Variants in ANK3 observed in about 807,000 individuals in gnomAD.
ANK3 encodes ankyrin 3.
ANK3 carries 57 observed loss-of-function variants against 370.9 expected under a neutral mutation model. That is an observed-to-expected ratio of 0.15 (90% CI 0.12 to 0.19). ANK3 has a LOEUF of 0.19. Ranked by LOEUF, ANK3 falls within the 10% of genes least tolerant of loss-of-function variation. The pLI, the probability that ANK3 is intolerant of heterozygous loss-of-function variation, is 1.00. For missense variants in ANK3, 4,439 were observed against 5,302.1 expected (o/e 0.84, Z 5.06); for synonymous variants, 1,929 against 1,946.3 (o/e 0.99, Z 0.23).
In ANK3 at chr10:60,469,633, ATATATATATATATATATATATGGTGG is replaced by A. The variant is rs1453013427; in HGVS notation, c.96+145527_96+145552del. 4.9e-4 allele frequency among the ~76,000 whole-genome samples: 14 copies of A among 28,464 alleles called. 4 individuals are homozygous for A. Among genetic ancestry groups the A allele is most frequent in the African/African-American group, 2.0e-3 (14 of 6,974 alleles). 18.7% of individuals were successfully genotyped at this position (28,464 alleles called of 152,430 possible). On this transcript the variant is annotated intron_variant, in intron 2 of 43. Transcript: ENST00000373827. ...TATATATATATATGGTGGTATATAT[ATATATATATATATATATATATGGTGG>A]TATATATATATATATATATATGGTG...
chr10:60,088,425 T>C, intron 28 of ANK3, 67 bp from the exon 29 acceptor site: 1 of 1,374,772 alleles, frequency 7.3e-7, no homozygotes, highest in Non-Finnish European at 1.0e-6. Context: ...TAAGTCAAAA[T>C]GATATATCTT....
At chr10:60,247,116 C>T (rs950793560) in intron 7 of ANK3, among the ~76,000 whole-genome samples, 4 of 152,056 alleles carry the variant, frequency 2.6e-5, no homozygotes, top group African/African-American at 7.2e-5. Context: ...CCCAGGTTCA[C>T]GCCATTCTCC....
At chr10:60,674,155 T>A (rs867677300) in intron 1 of ANK3, among the ~76,000 whole-genome samples, 2 of 152,218 alleles carry the variant, frequency 1.3e-5, no homozygotes, top group East Asian at 1.9e-4. Context: ...TTCATTCCAA[T>A]AATTTTTTTT....
Position 60,279,659 on chromosome 10 carries a change from C to G in ANK3, c.115-20G>C. On this transcript the variant is annotated intron_variant, in intron 1 of 43. Transcript: ENST00000280772. ...ATCAGACTAAAATAAAAAAGAAACA[C>G]ATTTTGATGAAAAATGAAGCTAATA... The G allele has an allele frequency of 6.3e-7, 1 of 1,590,322 alleles. No homozygotes were observed. The highest frequency in any genetic ancestry group is 8.6e-7 in the Non-Finnish European group (1 of 1,165,012).
At chr10:60,465,793 T>C (rs958568811) in intron 2 of ANK3, among the ~76,000 whole-genome samples, 26 of 150,510 alleles carry the variant, frequency 1.7e-4, no homozygotes, top group African/African-American at 5.1e-4. Context: ...TTCTTTCTTT[T>C]TTTTTTTTTT....
intron 2 of ANK3, among the ~76,000 whole-genome samples, chr10:60,501,963 G>A (rs1184651934): frequency 6.6e-6 from 1 of 152,142 alleles, no homozygotes; most frequent in Admixed American, 6.5e-5. Context: ...TCTTTAGCCT[G>A]GGTGACAGGG....
chr10:60,308,948 A>C (rs147821893), intron 1 of ANK3, among the ~76,000 whole-genome samples: 30 of 152,180 alleles, frequency 2.0e-4, no homozygotes, highest in East Asian at 1.9e-3. Flanking sequence ...TCCTACTCAC[A>C]TTTCCCTCAA....
intron 2 of ANK3, among the ~76,000 whole-genome samples, chr10:60,397,322 T>A (rs894668101): frequency 6.6e-6 from 1 of 152,120 alleles, no homozygotes; most frequent in Non-Finnish European, 1.5e-5. Flanking sequence ...ATGCAGAAAT[T>A]TAAGTCTAAC....
In ANK3 at chr10:60,064,301, AAG is replaced by A. The variant is rs1375068305; in HGVS notation, c.12320-15_12320-14del. ...TCCCTTGCCAGTTCTGTAGAAAAGAAAGAGAGTTACTAAGATTGCATATTCTA... is the reference window on the plus strand; with the variant it reads ...TCCCTTGCCAGTTCTGTAGAAAAGAAAGAGTTACTAAGATTGCATATTCTA... On this transcript the variant is annotated splice_polypyrimidine_tract_variant and intron_variant, in intron 38 of 43. Coordinates refer to ENST00000280772, the MANE Select transcript of ANK3 (RefSeq NM_020987.5). 4 of 1,558,616 alleles carry A rather than the reference AAG, an allele frequency of 2.6e-6. No homozygotes were observed. Among genetic ancestry groups the A allele is most frequent in the Non-Finnish European group, 3.4e-6 (4 of 1,163,868 alleles).
Position 60,208,168 on chromosome 10 carries a change from G to A in ANK3, c.1062C>T (p.Leu354=), listed in dbSNP as rs769360600. The change falls in exon 10 of 44, where the codon CTC becomes CTT. Residue 354 remains leucine (L), a synonymous_variant. Coordinates refer to ENST00000280772, the MANE Select transcript of ANK3 (RefSeq NM_020987.5). Reference sequence around the variant, plus strand: ...CATCATCCACGGGTACATTATGCTGGAGGAGAAGCTGGACGCAGTTTAAAT... The same window carrying A: ...CATCATCCACGGGTACATTATGCTGAAGGAGAAGCTGGACGCAGTTTAAAT... ...GDHLNCVQLL[L]QHNVPVDDVT... The A allele has an allele frequency of 6.8e-6, 11 of 1,614,142 alleles. No individual in the cohort carries two copies. The South Asian group carries it at 1.1e-4, about 16-fold the overall frequency.
At chr10:60,691,954 A>G (rs2079359591) in intron 1 of ANK3, among the ~76,000 whole-genome samples, 1 of 152,058 alleles carries the variant, frequency 6.6e-6, no homozygotes, top group Non-Finnish European at 1.5e-5. Flanking sequence ...TCTTAAACCC[A>G]GTAGGAGGGG....
At chr10:60,198,287 A>G in intron 14 of ANK3, 53 bp downstream of exon 14, 1 of 1,577,676 alleles carries the variant, frequency 6.3e-7, no homozygotes, top group Non-Finnish European at 8.7e-7. Context: ...GGGGAAACGT[A>G]AGGAAGATGT....
intron 2 of ANK3, among the ~76,000 whole-genome samples, chr10:60,528,943 T>A (rs1355855709): frequency 1.3e-5 from 2 of 152,152 alleles, no homozygotes; most frequent in Non-Finnish European, 2.9e-5. Context: ...ATGGTTGACA[T>A]TAATGTTTAT....
chr10:60,728,046 C>T (rs1347954122), intron 1 of ANK3, among the ~76,000 whole-genome samples: 2 of 152,256 alleles, frequency 1.3e-5, no homozygotes, highest in African/African-American at 4.8e-5. Context: ...CCATGTTCAT[C>T]GCCTCTTGGT....
intron 1 of ANK3, among the ~76,000 whole-genome samples, chr10:60,357,131 T>C (rs1235290657): frequency 6.6e-6 from 1 of 152,220 alleles, no homozygotes; most frequent in Non-Finnish European, 1.5e-5. Flanking sequence ...CTGGCTTTCT[T>C]TGCAGCTTCA....
intron 2 of ANK3, among the ~76,000 whole-genome samples, chr10:60,555,562 T>A (rs758622256): frequency 6.6e-5 from 10 of 152,116 alleles, no homozygotes; most frequent in African/African-American, 2.4e-4. Flanking sequence ...AGCATTCGGG[T>A]ATGAAGGCTA....
At chr10:60,387,455 T>TATGAAATAC (rs2062549418) in intron 1 of ANK3, among the ~76,000 whole-genome samples, 1 of 152,102 alleles carries the variant, frequency 6.6e-6, no homozygotes, top group African/African-American at 2.4e-5. Flanking sequence ...ACAAGTAGTA[T>TATGAAATAC]ATGAAATAAT....
At chr10:60,525,883 C>T (rs1410529060) in intron 2 of ANK3, among the ~76,000 whole-genome samples, 2 of 152,048 alleles carry the variant, frequency 1.3e-5, no homozygotes, top group Non-Finnish European at 2.9e-5. Flanking sequence ...TGTGAAAGCT[C>T]TAACATTATT....
At chr10:60,110,113 A>G (rs116482062) in intron 26 of ANK3, among the ~76,000 whole-genome samples, 1,975 of 151,780 alleles carry the variant, frequency 0.013, 27 homozygotes, top group African/African-American at 0.044. Flanking sequence ...GTGTTTTTAG[A>G]AAAAAAAAGT....
Sources: allele counts gnomAD v4.1 joint callset (sites outside exome capture counted in the v4.1 genomes callset), GRCh38; gene constraint gnomAD v4.1.1; transcripts MANE v1.5; gene names NCBI Gene and HGNC (gene_info 2026-07-23, HGNC 2026-07-21).